Variants in KLF8 observed in about 807,000 individuals in gnomAD.
KLF8 encodes the protein KLF transcription factor 8.
In KLF8, 10 loss-of-function variants were observed where a neutral mutation model predicts 18.2. The observed-to-expected ratio is 0.55, with a 90% CI of 0.34 to 0.93. The LOEUF (loss-of-function observed/expected upper bound fraction) is 0.93, where lower values mean the gene tolerates loss of function less well. Among genes scored for constraint, KLF8 ranks in the 40% least tolerant of loss-of-function variants. KLF8 has a pLI of 0.02. For missense variants in KLF8, 264 were observed against 277.9 expected (o/e 0.95, Z 0.36); for synonymous variants, 109 against 97.3 (o/e 1.12, Z -0.71).
the KLF8 span, among the ~76,000 whole-genome samples, chrX:56,129,319 A>G: frequency 8.9e-6 from 1 of 111,774 alleles, no homozygotes; most frequent in Non-Finnish European, 1.9e-5. Flanking sequence ...CTCCTGCAGG[A>G]CCCGGGAGAT....
chrX:56,159,017 G>A, the KLF8 span, among the ~76,000 whole-genome samples: 1 of 111,903 alleles, frequency 8.9e-6, no homozygotes, highest in Non-Finnish European at 1.9e-5. Flanking sequence ...GATATTGGAT[G>A]TGGGTTTGTC....
At chrX:56,282,530 C>G (rs2067215294) in intron 5 of KLF8, among the ~76,000 whole-genome samples, 1 of 111,887 alleles carries the variant, frequency 8.9e-6, no homozygotes, top group Non-Finnish European at 1.9e-5. Context: ...TATGTGAACA[C>G]TATACAGTTA....
the KLF8 span, among the ~76,000 whole-genome samples, chrX:56,098,851 A>G: frequency 1.8e-5 from 2 of 112,110 alleles, no homozygotes; most frequent in Non-Finnish European, 3.8e-5. Context: ...TCCACCAAAA[A>G]ACTCTTAAAG....
the KLF8 span, among the ~76,000 whole-genome samples, chrX:56,158,043 A>G: frequency 8.9e-6 from 1 of 111,835 alleles, no homozygotes; most frequent in Non-Finnish European, 1.9e-5. Flanking sequence ...TAAGTCTTTA[A>G]TCCATCTTGA....
chrX:56,218,937 CATA>C, the KLF8 span, among the ~76,000 whole-genome samples: 2 of 111,921 alleles, frequency 1.8e-5, no homozygotes, highest in African/African-American at 3.2e-5. Context: ...TTGAGATTCT[CATA>C]ATATTTTTTA....
At chrX:55,930,553 G>A in the KLF8 span, among the ~76,000 whole-genome samples, 3 of 111,895 alleles carry the variant, frequency 2.7e-5, no homozygotes, top group African/African-American at 3.2e-5. Flanking sequence ...TTTGAGATAC[G>A]TTCCATCAAT....
chrX:55,997,552 C>T, the KLF8 span, among the ~76,000 whole-genome samples: 1 of 111,458 alleles, frequency 9.0e-6, no homozygotes, highest in Non-Finnish European at 1.9e-5. Flanking sequence ...TGTAGGATTC[C>T]CAGCTTTTTC....
intron 2 of KLF8, among the ~76,000 whole-genome samples, chrX:56,251,662 C>T (rs1421709096): frequency 9.1e-6 from 1 of 110,084 alleles, no homozygotes; most frequent in Non-Finnish European, 1.9e-5. Context: ...AGGGTTTCAC[C>T]ATATTGGCTA....
chrX:55,934,279 G>T, the KLF8 span, among the ~76,000 whole-genome samples: 1 of 111,416 alleles, frequency 9.0e-6, no homozygotes, highest in African/African-American at 3.3e-5. Context: ...GTTTAATTAA[G>T]ATTTTCTATA....
At chrX:56,152,596 C>T in the KLF8 span, among the ~76,000 whole-genome samples, 1 of 110,997 alleles carries the variant, frequency 9.0e-6, no homozygotes, top group Non-Finnish European at 1.9e-5. Context: ...ATTGACATAA[C>T]ACATCAGTTA....
At chrX:56,179,678 T>C in the KLF8 span, among the ~76,000 whole-genome samples, 1 of 111,989 alleles carries the variant, frequency 8.9e-6, no homozygotes, top group Non-Finnish European at 1.9e-5. Context: ...AATATCTAAT[T>C]TATTGAGAGT....
At chrX:56,155,052 C>T in the KLF8 span, among the ~76,000 whole-genome samples, 3 of 111,836 alleles carry the variant, frequency 2.7e-5, no homozygotes, top group African/African-American at 9.8e-5. Flanking sequence ...TGTGGGGATT[C>T]CTCAGGGATC....
the KLF8 span, among the ~76,000 whole-genome samples, chrX:56,027,164 T>A: frequency 2.7e-5 from 3 of 112,462 alleles, no homozygotes; most frequent in East Asian, 8.4e-4. Flanking sequence ...TTTTATTTTG[T>A]CCTCTTTCTG....
chrX:56,203,208 T>C, the KLF8 span, among the ~76,000 whole-genome samples: 1 of 112,561 alleles, frequency 8.9e-6, no homozygotes, highest in Admixed American at 9.4e-5. Flanking sequence ...TATTCCTGTT[T>C]GCTATTTGTA....
chrX:56,096,257 A>T, the KLF8 span, among the ~76,000 whole-genome samples: 8 of 111,311 alleles, frequency 7.2e-5, no homozygotes, highest in South Asian at 3.0e-3. Flanking sequence ...TGCATCTAGC[A>T]TAAAGAGTGG....
chrX:56,152,955 A>G, the KLF8 span, among the ~76,000 whole-genome samples: 1 of 111,845 alleles, frequency 8.9e-6, no homozygotes, highest in South Asian at 3.7e-4. Flanking sequence ...TAGATTGTTG[A>G]GCAATAGCTC....
Position 56,289,677 on chromosome X carries a change from T to A in KLF8, c.*5183T>A, listed in dbSNP as rs1157305647. On this transcript the variant is annotated 3_prime_UTR_variant, in exon 6 of 6. Transcript: ENST00000468660. ...ATACTGAGAAACCTGGCTCTCAACCTCTGTCATCTATTTACTTAATTTTTC... is the reference window on the plus strand; with the variant it reads ...ATACTGAGAAACCTGGCTCTCAACCACTGTCATCTATTTACTTAATTTTTC... Among the ~76,000 whole-genome samples, 1 of 111,780 alleles carries A rather than the reference T, an allele frequency of 8.9e-6. No homozygotes were observed. Among genetic ancestry groups the A allele is most frequent in the African/African-American group, 3.3e-5 (1 of 30,748 alleles).
chrX:55,981,118 G>A, the KLF8 span, among the ~76,000 whole-genome samples: 21 of 112,012 alleles, frequency 1.9e-4, no homozygotes, highest in East Asian at 1.1e-3. Context: ...GCTTGAACCC[G>A]GGAGGCGGAG....
At chrX:56,056,849 A>G in the KLF8 span, among the ~76,000 whole-genome samples, 3 of 108,968 alleles carry the variant, frequency 2.8e-5, no homozygotes, top group African/African-American at 6.7e-5. Context: ...AAAAAAAAAA[A>G]AAAAGAAATG....
Sources: gnomAD v4.1 joint callset for allele counts (sites outside exome capture counted in the v4.1 genomes callset) on GRCh38, gnomAD v4.1.1 for gene constraint, MANE v1.5 for transcripts, NCBI Gene and HGNC (gene_info 2026-07-23, HGNC 2026-07-21) for gene names.